The following NCOR1 variants were observed in gnomAD, a reference collection of about 807,000 sequenced individuals.
NCOR1 encodes the protein protein phosphatase 1, regulatory subunit 109.
In NCOR1, 63 loss-of-function variants were observed where a neutral mutation model predicts 288.1. The ratio of observed to expected loss-of-function variants is 0.22; its 90% CI spans 0.18 to 0.27. NCOR1 has a LOEUF of 0.27. Ranked by LOEUF, NCOR1 falls within the 10% of genes least tolerant of loss-of-function variation. The pLI is 1.00. For synonymous variants in NCOR1, 1,007 were observed against 1,065.9 expected (o/e 0.94, Z 1.08); for missense variants, 2,397 against 3,019.2 (o/e 0.79, Z 4.83).
chr17:16,148,898 G>C (rs2078439881), intron 9 of NCOR1, among the ~76,000 whole-genome samples: 1 of 151,912 alleles, frequency 6.6e-6, no homozygotes, highest in Admixed American at 6.6e-5. Flanking sequence ...TATTAACAGT[G>C]TATCTGTAAA....
At chr17:16,176,226 A>G (rs1193140757) in intron 3 of NCOR1, among the ~76,000 whole-genome samples, 1 of 152,178 alleles carries the variant, frequency 6.6e-6, no homozygotes, top group Non-Finnish European at 1.5e-5. Context: ...TCTCAAAAAA[A>G]GAAAAAAGAA....
intron 11 of NCOR1, among the ~76,000 whole-genome samples, chr17:16,139,421 G>C (rs2076858371): frequency 6.6e-6 from 1 of 152,122 alleles, no homozygotes; most frequent in African/African-American, 2.4e-5. Context: ...CTACTCCTTT[G>C]AGAAGAATTC....
intron 22 of NCOR1, chr17:16,091,612 G>C (rs1412972166): frequency 3.2e-5 from 43 of 1,332,290 alleles, no homozygotes; most frequent in Non-Finnish European, 3.7e-5. Flanking sequence ...ATGTCTTCCA[G>C]CACAAAGATG....
chr17:16,101,593 G>T lies in NCOR1; in HGVS notation c.2347C>A (p.Gln783Lys). The T allele has an allele frequency of 6.2e-7, 1 of 1,614,134 alleles. No individual in the cohort carries two copies. The highest frequency in any genetic ancestry group is 8.5e-7 in the Non-Finnish European group (1 of 1,180,020). Residue 783 changes from glutamine (Q) to lysine (K), a missense_variant, in exon 20 of 46, where the codon CAG (glutamine) becomes AAG (lysine). Gln to Lys is a moderately conservative substitution (Grantham distance 53, BLOSUM62 1). Coordinates refer to ENST00000268712, the MANE Select transcript of NCOR1 (RefSeq NM_006311.4). ...TCAGCACTGATGCTGTCATTCACCT[G>T]GGTCTCCACACTTTCATCTTCAGCT... Reference protein sequence around the residue: ...KPAEDESVETQVNDSISAETA... With the variant: ...KPAEDESVETKVNDSISAETA...
intron 37 of NCOR1, among the ~76,000 whole-genome samples, chr17:16,061,138 A>G (rs2060505172): frequency 6.6e-6 from 1 of 152,202 alleles, no homozygotes; most frequent in African/African-American, 2.4e-5. Context: ...AGATGCCTAA[A>G]TATGTTAATA....
chr17:16,151,896 T>C, intron 8 of NCOR1, 50 bp downstream of exon 8: 2 of 1,318,406 alleles, frequency 1.5e-6, no homozygotes, highest in Non-Finnish European at 2.2e-6. Flanking sequence ...GATCTCTTTA[T>C]AGAATATACG....
In NCOR1 at chr17:16,035,713, T is replaced by G. The variant is rs570770273; in HGVS notation, c.6956-769A>C. ...CACACCACCACACCCGGCTACTTTT[T>G]AAAATTTTTGTAGAGATGGGGTCTC... On this transcript the variant is annotated intron_variant, in intron 44 of 45. Transcript: ENST00000268712. 9.9e-5 allele frequency among the ~76,000 whole-genome samples: 15 copies of G among 152,078 alleles called. 1 individual carries two copies. The highest frequency in any genetic ancestry group is 3.4e-4 in the African/African-American group (14 of 41,494).
intron 41 of NCOR1, among the ~76,000 whole-genome samples, chr17:16,047,789 A>G (rs1338106041): frequency 2.0e-5 from 3 of 152,344 alleles, no homozygotes; most frequent in African/African-American, 7.2e-5. Context: ...TGAAAACCTA[A>G]TCCAATCATG....
chr17:16,118,038 A>C lies in NCOR1; in HGVS notation c.1916-11T>G. The C allele has an allele frequency of 6.2e-7, 1 of 1,608,344 alleles. No individual in the cohort carries two copies. The highest frequency in any genetic ancestry group is 8.5e-7 in the Non-Finnish European group (1 of 1,178,050). On this transcript the variant is annotated splice_polypyrimidine_tract_variant and intron_variant, in intron 17 of 45. Coordinates refer to ENST00000268712, the MANE Select transcript of NCOR1 (RefSeq NM_006311.4). Reference sequence around the variant, plus strand: ...CATGTTCTACTAGACCTGCATTTTAAAAACAGACCAAATGTTAATTGAACA... The same window carrying C: ...CATGTTCTACTAGACCTGCATTTTACAAACAGACCAAATGTTAATTGAACA...
chr17:16,034,993 AT>A, intron 44 of NCOR1, 49 bp from the exon 45 acceptor site: 2 of 1,551,432 alleles, frequency 1.3e-6, no homozygotes, highest in Non-Finnish European at 1.8e-6. Context: ...GTTCTCAAAA[AT>A]TACCAAAATG....
At chr17:16,137,251 T>G in intron 14 of NCOR1, 60 bp downstream of exon 14, 1 of 1,114,814 alleles carries the variant, frequency 9.0e-7, no homozygotes, top group Middle Eastern at 1.9e-4. Flanking sequence ...GTTTTAACAC[T>G]TTTTGCTTGC....
At chr17:16,065,758 C>T in intron 32 of NCOR1, 64 bp from the exon 33 acceptor site, 1 of 1,431,392 alleles carries the variant, frequency 7.0e-7, no homozygotes, top group Non-Finnish European at 9.8e-7. Flanking sequence ...TTGCTAAACA[C>T]CACGTACAAA....
chr17:16,152,528 C>A (rs1385539516), intron 7 of NCOR1, among the ~76,000 whole-genome samples: 1 of 152,092 alleles, frequency 6.6e-6, no homozygotes, highest in Non-Finnish European at 1.5e-5. Flanking sequence ...GTATATGTGC[C>A]ACATTTTCTT....
intron 20 of NCOR1, among the ~76,000 whole-genome samples, chr17:16,100,354 TA>T (rs879550269): frequency 6.6e-6 from 1 of 152,188 alleles, no homozygotes; most frequent in African/African-American, 2.4e-5. Flanking sequence ...AAGCTACCTG[TA>T]AACTGCAGGG....
chr17:16,170,487 G>A (rs1281304282), intron 4 of NCOR1, among the ~76,000 whole-genome samples: 1 of 152,036 alleles, frequency 6.6e-6, no homozygotes, highest in African/African-American at 2.4e-5. Flanking sequence ...TATCTACTAA[G>A]TGTCAGGCAC....
chr17:16,187,914 AAAG>A (rs1213217086), intron 2 of NCOR1, among the ~76,000 whole-genome samples: 4 of 151,672 alleles, frequency 2.6e-5, no homozygotes, highest in African/African-American at 9.7e-5. Flanking sequence ...AAAAAAAAAA[AAAG>A]AAAGAAAAAC....
At chr17:16,111,812 C>T (rs2070277594) in intron 18 of NCOR1, among the ~76,000 whole-genome samples, 1 of 152,012 alleles carries the variant, frequency 6.6e-6, no homozygotes, top group Non-Finnish European at 1.5e-5. Flanking sequence ...ATACACACAT[C>T]CTGTTAACTG....
At chr17:16,110,996 G>T (rs2070011073) in intron 18 of NCOR1, among the ~76,000 whole-genome samples, 1 of 152,118 alleles carries the variant, frequency 6.6e-6, no homozygotes, top group African/African-American at 2.4e-5. Flanking sequence ...TGAATATGAG[G>T]TGTTGCTGTG....
intron 16 of NCOR1, among the ~76,000 whole-genome samples, chr17:16,120,458 T>C (rs2072760239): frequency 6.6e-6 from 1 of 152,232 alleles, no homozygotes; most frequent in Middle Eastern, 3.4e-3. Context: ...TTCCCTAAAC[T>C]GCATTTTCTT....
Sources: gnomAD v4.1 joint callset for allele counts (sites outside exome capture counted in the v4.1 genomes callset) on GRCh38, gnomAD v4.1.1 for gene constraint, MANE v1.5 for transcripts, NCBI Gene and HGNC (gene_info 2026-07-23, HGNC 2026-07-21) for gene names.